PTPRR: variants seen among roughly 807,000 people sequenced by gnomAD.
PTPRR encodes the protein protein tyrosine phosphatase receptor type R.
In PTPRR, 38 loss-of-function variants were observed where a neutral mutation model predicts 77.2. That is an observed-to-expected ratio of 0.49 (90% CI 0.38 to 0.65). The LOEUF (loss-of-function observed/expected upper bound fraction) is 0.65. PTPRR is among the 30% of genes least tolerant of loss of function. PTPRR has a pLI of 0.00. For missense variants in PTPRR, 744 were observed against 799.2 expected (o/e 0.93, Z 0.83); for synonymous variants, 299 against 283.1 (o/e 1.06, Z -0.57).
chr12:70,747,048 A>C (rs1890235572), intron 5 of PTPRR, among the ~76,000 whole-genome samples: 2 of 152,162 alleles, frequency 1.3e-5, no homozygotes, highest in African/African-American at 2.4e-5. Flanking sequence ...TATTAAGTAA[A>C]AGGTCTTCTT....
chr12:70,656,596 A>C, intron 13 of PTPRR, 108 bp downstream of exon 13: 5 of 753,294 alleles, frequency 6.6e-6, no homozygotes, highest in Non-Finnish European at 1.1e-5. Flanking sequence ...GCATCTCTAC[A>C]GAGATTTAGG....
intron 2 of PTPRR, among the ~76,000 whole-genome samples, chr12:70,788,043 T>G (rs1891357907): frequency 1.3e-5 from 2 of 152,226 alleles, no homozygotes; most frequent in Admixed American, 1.3e-4. Flanking sequence ...AATACATACT[T>G]TTTGAAATAA....
At chr12:70,742,998 G>A (rs1890100732) in intron 6 of PTPRR, among the ~76,000 whole-genome samples, 1 of 152,200 alleles carries the variant, frequency 6.6e-6, no homozygotes, top group Non-Finnish European at 1.5e-5. Context: ...AGAGTTCAGA[G>A]CTGAAATATG....
At chr12:70,762,590 T>C (rs1170033758) in intron 3 of PTPRR, among the ~76,000 whole-genome samples, 1 of 152,204 alleles carries the variant, frequency 6.6e-6, no homozygotes, top group East Asian at 1.9e-4. Flanking sequence ...TTTAAATAGT[T>C]TGTGACCCAA....
intron 10 of PTPRR, among the ~76,000 whole-genome samples, chr12:70,677,458 G>A (rs185226978): frequency 6.6e-6 from 1 of 152,258 alleles, no homozygotes; most frequent in African/African-American, 2.4e-5. Flanking sequence ...ATGTTGAATA[G>A]AAGTGGTGAA....
At chr12:70,708,082 G>A (rs1888683870) in intron 6 of PTPRR, among the ~76,000 whole-genome samples, 1 of 151,866 alleles carries the variant, frequency 6.6e-6, no homozygotes, top group South Asian at 2.1e-4. Context: ...AAATGCCAGG[G>A]GCTCTTTCCT....
At position 70,758,932 on chromosome 12, in the gene PTPRR, CTTG is replaced by C. The variant is rs10680609; in HGVS notation, c.627+2536_627+2538del. Among the ~76,000 whole-genome samples, 7 of 150,678 alleles carry C rather than the reference CTTG, an allele frequency of 4.6e-5. No individual in the cohort carries two copies. In the East Asian group the frequency reaches 5.8e-4, roughly 13 times the overall value. The stretch of plus-strand genomic sequence containing the variant: ...CTAGCACAGTACTTGGCTATTTGCT[CTTG>C]TTGTTGTTGTTGTTGTTGTCTGTTT... On this transcript the variant is annotated intron_variant, in intron 4 of 13. Coordinates refer to ENST00000283228, the MANE Select transcript of PTPRR (RefSeq NM_002849.4).
chr12:70,686,152 T>C (rs878932939), intron 8 of PTPRR, among the ~76,000 whole-genome samples: 2 of 152,312 alleles, frequency 1.3e-5, no homozygotes, highest in Admixed American at 6.5e-5. Context: ...AAAGAAAAAC[T>C]TCTCCCATTC....
chr12:70,882,824 A>G (rs1229061184), intron 2 of PTPRR, among the ~76,000 whole-genome samples: 1 of 152,196 alleles, frequency 6.6e-6, no homozygotes, highest in Non-Finnish European at 1.5e-5. Flanking sequence ...TTTGATGTAT[A>G]CTTTGCCTAT....
chr12:70,730,191 C>T (rs1053936017), intron 6 of PTPRR, among the ~76,000 whole-genome samples: 1 of 152,088 alleles, frequency 6.6e-6, no homozygotes, highest in African/African-American at 2.4e-5. Flanking sequence ...ACTCTGCCAC[C>T]TGCAGGTCAT....
chr12:70,831,277 G>A (rs1452035463), intron 2 of PTPRR, among the ~76,000 whole-genome samples: 2 of 152,104 alleles, frequency 1.3e-5, no homozygotes, highest in Admixed American at 6.5e-5. Context: ...TGTGAATTTG[G>A]TGGTAGGAGT....
rs561091295 is a variant in PTPRR at position 70,790,822 on chromosome 12, A to T, written c.358-26044T>A. On this transcript the variant is annotated intron_variant, in intron 2 of 13. Transcript: ENST00000283228. ...GCACCACCGCATTCCAGCCTGGGTG[A>T]CAGAAGGAGACTCCATCTCAAAAAC... Among the ~76,000 whole-genome samples, 967 of 152,248 alleles carry T rather than the reference A, an allele frequency of 6.4e-3. 7 individuals carry two copies. Among genetic ancestry groups the T allele is most frequent in the South Asian group, 0.018 (87 of 4,814 alleles).
chr12:70,821,120 G>A (rs1892000413), intron 2 of PTPRR, among the ~76,000 whole-genome samples: 1 of 150,940 alleles, frequency 6.6e-6, no homozygotes, highest in South Asian at 2.1e-4. Context: ...CATATAGGAC[G>A]ATGTCCTCCA....
chr12:70,693,751 G>A (rs11178370), intron 8 of PTPRR, among the ~76,000 whole-genome samples: 23,559 of 151,354 alleles, frequency 0.16, 3,300 homozygotes, highest in African/African-American at 0.36. Flanking sequence ...AATCATCATC[G>A]TTTTCATCAC....
chr12:70,853,777 G>T (rs1056609942), intron 2 of PTPRR, among the ~76,000 whole-genome samples: 1 of 152,154 alleles, frequency 6.6e-6, no homozygotes, highest in East Asian at 1.9e-4. Context: ...TCCCCGCTCC[G>T]CCTCCCGCAA....
intron 13 of PTPRR, among the ~76,000 whole-genome samples, chr12:70,644,220 T>C (rs557668461): frequency 1.3e-5 from 2 of 152,356 alleles, no homozygotes; most frequent in Non-Finnish European, 2.9e-5. Context: ...CTAAATAAAC[T>C]CTTTAAAATT....
chr12:70,863,852 A>G (rs1420504035), intron 2 of PTPRR, among the ~76,000 whole-genome samples: 1 of 152,202 alleles, frequency 6.6e-6, no homozygotes, highest in African/African-American at 2.4e-5. Flanking sequence ...TGTAGTGCCC[A>G]AAGCGAAACT....
intron 6 of PTPRR, among the ~76,000 whole-genome samples, chr12:70,726,289 T>G (rs938603942): frequency 2.0e-5 from 3 of 151,998 alleles, no homozygotes; most frequent in Admixed American, 6.6e-5. Context: ...GGGTAGAAAT[T>G]TAAGGCCCTA....
chr12:70,881,038 A>G lies in PTPRR; in HGVS notation c.357+11641T>C, dbSNP rs1205965520. On this transcript the variant is annotated intron_variant, in intron 2 of 13. Transcript: ENST00000283228. ...TGCTGATTTTTTAAAGCCTATATCC[A>G]AAGAATTTGCTTAGCAGCCCATTCA... 3.9e-5 allele frequency among the ~76,000 whole-genome samples: 6 copies of G among 152,346 alleles called. No homozygotes were observed. In the East Asian group the frequency reaches 1.2e-3, roughly 29 times the overall value.
Sources: gnomAD v4.1 joint callset for allele counts (sites outside exome capture counted in the v4.1 genomes callset) on GRCh38, gnomAD v4.1.1 for gene constraint, MANE v1.5 for transcripts, NCBI Gene and HGNC (gene_info 2026-07-23, HGNC 2026-07-21) for gene names.